UBE2H: variants seen among roughly 807,000 people sequenced by gnomAD.
UBE2H encodes the protein ubiquitin conjugating enzyme E2 H, also known as ubiquitin-conjugating enzyme E2 H.
In UBE2H, 3 loss-of-function variants were observed where a neutral mutation model predicts 29.0. The ratio of observed to expected loss-of-function variants is 0.10; its 90% CI spans 0.05 to 0.27. The LOEUF is 0.27. UBE2H is among the 10% of genes least tolerant of loss of function. The pLI, the probability that UBE2H is intolerant of heterozygous loss-of-function variation, is 1.00. For missense variants in UBE2H, 68 were observed against 228.2 expected, an observed-to-expected ratio of 0.30 and a Z score of 4.52; for synonymous variants, 69 against 82.9, an observed-to-expected ratio of 0.83 and a Z score of 0.91.
At chr7:129,863,809 T>TTTTTTTTTG (rs555825863) in intron 3 of UBE2H, among the ~76,000 whole-genome samples, 1 of 77,502 alleles carries the variant, frequency 1.3e-5, no homozygotes, top group African/African-American at 4.8e-5. Flanking sequence ...ATACTAGGTG[T>TTTTTTTTTG]TTTTTTTTTT....
chr7:129,869,851 C>T (rs748787530), intron 3 of UBE2H, among the ~76,000 whole-genome samples: 1 of 152,164 alleles, frequency 6.6e-6, no homozygotes, highest in East Asian at 1.9e-4. Context: ...TTTATCTAAA[C>T]ATGCTCAACA....
At chr7:129,948,571 T>C (rs1807809855) in intron 1 of UBE2H, among the ~76,000 whole-genome samples, 1 of 152,126 alleles carries the variant, frequency 6.6e-6, no homozygotes, top group African/African-American at 2.4e-5. Context: ...TCCAGCACTC[T>C]GGGAGGCCAA....
chr7:129,914,904 T>C (rs1807013514), intron 1 of UBE2H, among the ~76,000 whole-genome samples: 1 of 152,184 alleles, frequency 6.6e-6, no homozygotes, highest in African/African-American at 2.4e-5. Context: ...CTTGAGTTAT[T>C]CTGAGGACTG....
intron 1 of UBE2H, among the ~76,000 whole-genome samples, chr7:129,918,514 C>T (rs548761058): frequency 6.6e-6 from 1 of 152,292 alleles, no homozygotes; most frequent in Non-Finnish European, 1.5e-5. Context: ...TGTGCCACCA[C>T]ACCCAGCTAA....
At chr7:129,933,193 AAGT>A (rs1156371260) in intron 1 of UBE2H, among the ~76,000 whole-genome samples, 8 of 152,170 alleles carry the variant, frequency 5.3e-5, no homozygotes, top group Non-Finnish European at 8.8e-5. Context: ...TGAGCTGCTG[AAGT>A]AGTTCTTAAG....
chr7:129,870,833 C>T (rs900705920), intron 3 of UBE2H, among the ~76,000 whole-genome samples: 1 of 151,686 alleles, frequency 6.6e-6, no homozygotes, highest in Admixed American at 6.6e-5. Context: ...GGTCTGTGAA[C>T]TCAACCCTGC....
At chr7:129,886,946 G>A (rs1002555427) in intron 1 of UBE2H, among the ~76,000 whole-genome samples, 2 of 152,052 alleles carry the variant, frequency 1.3e-5, no homozygotes, top group African/African-American at 4.8e-5. Context: ...AACCCAGTGT[G>A]GGTAGAAGAG....
rs538322423 is a variant in UBE2H, at chr7:129,919,556, G to A, written c.53+32947C>T. Among the ~76,000 whole-genome samples, 7 of 152,148 alleles carry A rather than the reference G, an allele frequency of 4.6e-5. No individual in the cohort carries two copies. In the South Asian group the frequency reaches 1.5e-3, roughly 32 times the overall value. ...CTATGCCTTTGCCTCCCCTCCACCCGGAATGCCCCTCAACTCCACAGCTCT... is the reference window on the plus strand; with the variant it reads ...CTATGCCTTTGCCTCCCCTCCACCCAGAATGCCCCTCAACTCCACAGCTCT... On this transcript the variant is annotated intron_variant, in intron 1 of 6. Coordinates refer to ENST00000355621, the MANE Select transcript of UBE2H (RefSeq NM_003344.4).
chr7:129,863,982 A>G lies in UBE2H; in HGVS notation c.206-5041T>C, dbSNP rs944324754. Among the ~76,000 whole-genome samples, 75 of 152,146 alleles carry G rather than the reference A, an allele frequency of 4.9e-4. 1 individual carries two copies. The highest frequency in any genetic ancestry group is 1.0e-3 in the Non-Finnish European group (68 of 67,986). ...AATTTTTGTATTTTTTCGTAGAGAT[A>G]GGGTTTCACCATGTTGGCCAGGCTG... is the stretch of plus-strand genomic sequence containing the variant. On this transcript the variant is annotated intron_variant, in intron 3 of 6. Coordinates refer to ENST00000355621, the MANE Select transcript of UBE2H (RefSeq NM_003344.4).
At chr7:129,863,808 G>GTTTTTTTTTTGTTTGTTTT (rs1554432033) in intron 3 of UBE2H, among the ~76,000 whole-genome samples, 16 of 136,040 alleles carry the variant, frequency 1.2e-4, no homozygotes, top group African/African-American at 4.4e-4. Context: ...AATACTAGGT[G>GTTTTTTTTTTGTTTGTTTT]TTTTTTTTTT....
chr7:129,909,186 A>G lies in UBE2H; in HGVS notation c.54-28215T>C, dbSNP rs937641942. Among the ~76,000 whole-genome samples, 10 of 152,336 alleles carry G rather than the reference A, an allele frequency of 6.6e-5. No homozygotes were observed. In the South Asian group the frequency reaches 1.0e-3, roughly 16 times the overall value. On this transcript the variant is annotated intron_variant, in intron 1 of 6. Transcript: ENST00000355621. ...ATACAAAACACAGGAGAAAGATCAT[A>G]AAGAACTATGTAATATAAGGAGCAG...
At chr7:129,919,407 C>G (rs980730679) in intron 1 of UBE2H, among the ~76,000 whole-genome samples, 2 of 152,126 alleles carry the variant, frequency 1.3e-5, no homozygotes, top group Non-Finnish European at 2.9e-5. Flanking sequence ...GTGCCGGCAG[C>G]ATACAACTCC....
intron 5 of UBE2H, among the ~76,000 whole-genome samples, chr7:129,845,816 T>G (rs531098063): frequency 3.9e-5 from 6 of 152,228 alleles, no homozygotes; most frequent in Non-Finnish European, 8.8e-5. Flanking sequence ...TCTCTTCCTT[T>G]CTACATCTCA....
chr7:129,920,884 T>C (rs1807147805), intron 1 of UBE2H, among the ~76,000 whole-genome samples: 2 of 141,712 alleles, frequency 1.4e-5, no homozygotes, highest in Admixed American at 1.4e-4. Context: ...ATCTTTAAAA[T>C]GTCCTGGTGT....
At chr7:129,951,998 A>G (rs1274597810) in intron 1 of UBE2H, among the ~76,000 whole-genome samples, 4 of 152,210 alleles carry the variant, frequency 2.6e-5, no homozygotes, top group Non-Finnish European at 5.9e-5. Flanking sequence ...TTCCTAATAT[A>G]GAAAGGAATT....
At chr7:129,947,189 A>T (rs1267180870) in intron 1 of UBE2H, among the ~76,000 whole-genome samples, 1 of 152,232 alleles carries the variant, frequency 6.6e-6, no homozygotes, top group Non-Finnish European at 1.5e-5. Flanking sequence ...CAGGAATCAG[A>T]TGTTCTGAAG....
At chr7:129,837,638 T>A (rs530823999) in intron 6 of UBE2H, among the ~76,000 whole-genome samples, 3 of 151,964 alleles carry the variant, frequency 2.0e-5, no homozygotes, top group Admixed American at 6.6e-5. Context: ...GGGAACAAGA[T>A]CACAGATTGG....
chr7:129,950,279 G>C (rs921254997), intron 1 of UBE2H, among the ~76,000 whole-genome samples: 3 of 152,120 alleles, frequency 2.0e-5, no homozygotes, highest in African/African-American at 7.2e-5. Context: ...ATTTTAAAGC[G>C]CCTCTGCTTT....
At chr7:129,934,831 C>A (rs1227670836) in intron 1 of UBE2H, among the ~76,000 whole-genome samples, 1 of 151,110 alleles carries the variant, frequency 6.6e-6, no homozygotes, top group Admixed American at 6.6e-5. Context: ...CTTTGGGAGG[C>A]CAAGGTAGCC....
Sources: allele counts gnomAD v4.1 joint callset (sites outside exome capture counted in the v4.1 genomes callset), GRCh38; gene constraint gnomAD v4.1.1; transcripts MANE v1.5; gene names NCBI Gene and HGNC (gene_info 2026-07-23, HGNC 2026-07-21).